The following TTC28 variants were observed in gnomAD, a reference collection of about 807,000 sequenced individuals.
TTC28 encodes tetratricopeptide repeat domain 28, also known as tetratricopeptide repeat protein 28.
TTC28 carries 61 observed loss-of-function variants against 198.0 expected under a neutral mutation model. That is an observed-to-expected ratio of 0.31 (90% CI 0.25 to 0.38). TTC28 has a LOEUF of 0.38. Among genes scored for constraint, TTC28 ranks in the 10% least tolerant of loss-of-function variants. TTC28 has a pLI of 1.00. For synonymous variants in TTC28, 1,171 were observed against 1,297.8 expected (o/e 0.90, Z 2.10); for missense variants, 2,678 against 3,164.0 (o/e 0.85, Z 3.69).
intron 2 of TTC28, among the ~76,000 whole-genome samples, chr22:28,415,959 A>T (rs2047162106): frequency 6.6e-6 from 1 of 152,226 alleles, no homozygotes; most frequent in Admixed American, 6.5e-5. Context: ...TTCAATAAAA[A>T]GTTTCAGAAT....
At chr22:28,242,365 GT>G (rs1929719717) in intron 5 of TTC28, among the ~76,000 whole-genome samples, 1 of 152,120 alleles carries the variant, frequency 6.6e-6, no homozygotes, top group South Asian at 2.1e-4. Context: ...AAAAGCTCTT[GT>G]TTCTCTAAAA....
In TTC28 at chr22:28,148,466, A is replaced by G. The variant is rs557435026; in HGVS notation, c.1441+14626T>C. ...ATCTCTACTAAAAATACAAAAAGTTAGCTAGGCGCGGTGGCGGGCACCTGT... is the reference window on the plus strand; with the variant it reads ...ATCTCTACTAAAAATACAAAAAGTTGGCTAGGCGCGGTGGCGGGCACCTGT... On this transcript the variant is annotated intron_variant, in intron 6 of 22. Coordinates refer to ENST00000397906, the MANE Select transcript of TTC28 (RefSeq NM_001145418.2). 5.9e-5 allele frequency among the ~76,000 whole-genome samples: 9 copies of G among 152,224 alleles called. No homozygotes were observed. The East Asian group carries it at 1.7e-3, about 30-fold the overall frequency.
In TTC28 at chr22:28,032,161, AGT is replaced by A. The variant is rs1292777370; in HGVS notation, c.3933-1797_3933-1796del. 1.8e-4 allele frequency among the ~76,000 whole-genome samples: 23 copies of A among 131,250 alleles called. No homozygotes were observed. The East Asian group carries it at 3.5e-3, about 20-fold the overall frequency. The allele number at this position is 131,250 out of a possible 152,430, so 86.1% of individuals were successfully genotyped here. A position where few individuals can be genotyped will look rare whatever the true frequency, so the allele number is the denominator to read the frequency against. On this transcript the variant is annotated intron_variant, in intron 12 of 22. Transcript: ENST00000397906. ...AAGCACATCCTATTTATATCTACTT[AGT>A]GTGTGTATATATATATATATATATA...
chr22:28,040,914 AAAACAC>A (rs1178765915), intron 12 of TTC28, among the ~76,000 whole-genome samples: 1 of 152,212 alleles, frequency 6.6e-6, no homozygotes, highest in Non-Finnish European at 1.5e-5. Context: ...CCATGTGCAA[AAAACAC>A]AAGCATTCCT....
At chr22:28,071,281 A>G (rs1227112215) in intron 12 of TTC28, among the ~76,000 whole-genome samples, 3 of 152,002 alleles carry the variant, frequency 2.0e-5, no homozygotes, top group Non-Finnish European at 4.4e-5. Context: ...ACACATGCAC[A>G]CGTATGTTTA....
intron 13 of TTC28, among the ~76,000 whole-genome samples, chr22:28,022,368 T>C (rs1938645524): frequency 6.6e-6 from 1 of 152,248 alleles, no homozygotes; most frequent in Admixed American, 6.5e-5. Flanking sequence ...CAGCCCGTCA[T>C]TTCTCTTCTG....
At chr22:28,178,043 T>C (rs1038287564) in intron 5 of TTC28, among the ~76,000 whole-genome samples, 2 of 152,122 alleles carry the variant, frequency 1.3e-5, no homozygotes, top group Non-Finnish European at 2.9e-5. Context: ...GTTGTAATAA[T>C]GTACCATACT....
chr22:27,982,368 G>A lies in TTC28; in HGVS notation c.7299C>T (p.His2433=). The part of the protein sequence containing the change: ...GAPPKAPPNG[H]WRTETTSLGS... The stretch of plus-strand genomic sequence containing the variant: ...CCAGCGAGGTGGTCTCGGTGCGCCA[G>A]TGTCCGTTGGGAGGGGCTTTCGGTG... The change falls in exon 23 of 23, where the codon CAC becomes CAT. Residue 2433 remains histidine (H), a synonymous_variant. Coordinates refer to ENST00000397906, the MANE Select transcript of TTC28 (RefSeq NM_001145418.2). This position sits in a 1 kb window ranked among gnomAD's most constrained non-coding sequence, Gnocchi z 5.2. 2 of 1,549,886 alleles carry A rather than the reference G, an allele frequency of 1.3e-6. No homozygotes were observed. Among genetic ancestry groups the A allele is most frequent in the South Asian group, 1.2e-5 (1 of 83,890 alleles).
intron 2 of TTC28, among the ~76,000 whole-genome samples, chr22:28,540,612 A>AT (rs1395506435): frequency 6.6e-6 from 1 of 152,180 alleles, no homozygotes; most frequent in Non-Finnish European, 1.5e-5. Context: ...TCCTTGATTT[A>AT]TTATTTAAGT....
intron 6 of TTC28, among the ~76,000 whole-genome samples, chr22:28,157,885 TA>T (rs768893137): frequency 6.6e-5 from 10 of 152,212 alleles, no homozygotes; most frequent in Non-Finnish European, 1.2e-4. Flanking sequence ...TTACCACTGT[TA>T]TTCAACATAG....
chr22:27,979,231 G>C lies in TTC28; in HGVS notation c.*2990C>G, dbSNP rs1936939198. On this transcript the variant is annotated 3_prime_UTR_variant, in exon 23 of 23. Coordinates refer to ENST00000397906, the MANE Select transcript of TTC28 (RefSeq NM_001145418.2). ...GCGCAGTGGCTCACCTGTAATCCCA[G>C]CAGTTTGGGAGGCCAAGGCGGGCGG... The C allele has an allele frequency of 6.6e-6, 1 of 152,188 alleles. No individual in the cohort carries two copies. Among genetic ancestry groups the C allele is most frequent in the Non-Finnish European group, 1.5e-5 (1 of 68,070 alleles). 9.4% of individuals were successfully genotyped at this position (152,188 alleles called of 1,614,324 possible). A position where few individuals can be genotyped will look rare whatever the true frequency, so the allele number is the denominator to read the frequency against.
intron 1 of TTC28, among the ~76,000 whole-genome samples, chr22:28,676,822 C>G (rs2051997246): frequency 6.6e-6 from 1 of 151,472 alleles, no homozygotes; most frequent in African/African-American, 2.4e-5. Context: ...ACTGGGAGTT[C>G]AAGACTAGCT....
intron 14 of TTC28, among the ~76,000 whole-genome samples, chr22:28,012,249 A>G (rs1379810711): frequency 6.6e-6 from 1 of 152,236 alleles, no homozygotes; most frequent in African/African-American, 2.4e-5. Flanking sequence ...AAGCTGGAGA[A>G]TTCTCTGCAG....
intron 5 of TTC28, among the ~76,000 whole-genome samples, chr22:28,165,480 A>T (rs135656): frequency 0.91 from 136,126 of 149,666 alleles, 62,076 homozygotes; most frequent in African/African-American, 0.95. Flanking sequence ...AGCTGATCTC[A>T]GGACAGAAAC....
At chr22:28,040,397 G>C (rs1234510944) in intron 12 of TTC28, among the ~76,000 whole-genome samples, 1 of 152,174 alleles carries the variant, frequency 6.6e-6, no homozygotes, top group Non-Finnish European at 1.5e-5. Flanking sequence ...CCACGATCAA[G>C]TCGTCTTCAT....
chr22:28,655,859 GA>G (rs76468648), intron 1 of TTC28, among the ~76,000 whole-genome samples: 17,297 of 114,954 alleles, frequency 0.15, 1,093 homozygotes, highest in African/African-American at 0.17. Flanking sequence ...TCAAAAAAAA[GA>G]AAAAAAAAAA....
chr22:28,609,612 C>G (rs548736050), intron 2 of TTC28, among the ~76,000 whole-genome samples: 1 of 152,286 alleles, frequency 6.6e-6, no homozygotes. Flanking sequence ...GCCTATGCCA[C>G]CAGGGCCCTG....
intron 5 of TTC28, among the ~76,000 whole-genome samples, chr22:28,209,227 A>C (rs1926677811): frequency 6.6e-6 from 1 of 152,200 alleles, no homozygotes; most frequent in Admixed American, 6.5e-5. Flanking sequence ...AGCTACCAGC[A>C]TGAGCGACAC....
chr22:28,679,360 ACCC>A (rs957717055), intron 1 of TTC28, among the ~76,000 whole-genome samples: 2 of 151,704 alleles, frequency 1.3e-5, no homozygotes, highest in Non-Finnish European at 2.9e-5. Flanking sequence ...GTATACCGAC[ACCC>A]CCCACCCCGG....
Sources: allele counts gnomAD v4.1 joint callset (sites outside exome capture counted in the v4.1 genomes callset), GRCh38; gene constraint gnomAD v4.1.1; non-coding constraint Gnocchi (gnomAD v3.1); transcripts MANE v1.5; gene names NCBI Gene and HGNC (gene_info 2026-07-23, HGNC 2026-07-21).